Variants in ESRP1 observed in about 807,000 individuals in gnomAD.
The protein encoded by ESRP1 is RNA-binding motif protein 35A.
A neutral mutation model predicts 81.7 loss-of-function variants in ESRP1; 33 were observed. That is an observed-to-expected ratio of 0.40 (90% confidence interval 0.31 to 0.54). The LOEUF (loss-of-function observed/expected upper bound fraction) is 0.54. ESRP1 is among the 20% of genes least tolerant of loss of function. The pLI is 0.41. For missense variants in ESRP1, 672 were observed against 833.1 expected (o/e 0.81, Z 2.38); for synonymous variants, 320 against 303.3 (o/e 1.06, Z -0.57).
At chr8:94,683,154 G>C (rs1470708255) in intron 13 of ESRP1, among the ~76,000 whole-genome samples, 1 of 151,186 alleles carries the variant, frequency 6.6e-6, no homozygotes, top group African/African-American at 2.4e-5. Flanking sequence ...ATGTTGGTCA[G>C]GCTAGTCTCC....
intron 10 of ESRP1, among the ~76,000 whole-genome samples, chr8:94,669,719 AAT>A (rs1249870081): frequency 6.6e-6 from 1 of 151,902 alleles, no homozygotes; most frequent in African/African-American, 2.4e-5. Flanking sequence ...TACAAAAAAA[AAT>A]TAGGCAGTCA....
chr8:94,678,619 C>T (rs1433803853), intron 13 of ESRP1, among the ~76,000 whole-genome samples: 1 of 152,306 alleles, frequency 6.6e-6, no homozygotes, highest in East Asian at 1.9e-4. Context: ...TTTTACCTCT[C>T]CTGTCATAGG....
chr8:94,666,901 G>A (rs764055602), intron 9 of ESRP1, among the ~76,000 whole-genome samples: 3 of 152,152 alleles, frequency 2.0e-5, no homozygotes, highest in African/African-American at 4.8e-5. Context: ...TGGGCACTGC[G>A]ATAAGAATTT....
At chr8:94,651,187 T>C (rs1367323228) in intron 4 of ESRP1, among the ~76,000 whole-genome samples, 1 of 151,112 alleles carries the variant, frequency 6.6e-6, no homozygotes, top group Non-Finnish European at 1.5e-5. Flanking sequence ...ACTTGAATAA[T>C]ATGCAGTATT....
chr8:94,696,910 AATGGGTTT>A lies in ESRP1; in HGVS notation c.2031_2038del (p.Trp678TyrfsTer21), dbSNP rs1317504572. On this transcript the variant is annotated frameshift_variant, in exon 15 of 16. Transcript: ENST00000433389. LOFTEE classifies it high-confidence loss of function. The stretch of plus-strand genomic sequence containing the variant: ...GACCAGGCCAGGACTCTACCCAAAG[AATGGGTTT>A]GTATTTAAGGGCCCCAGCAGTTAGA... 2.5e-6 allele frequency: 4 copies of A among 1,591,820 alleles called. No individual in the cohort carries two copies. In the South Asian group the frequency reaches 4.6e-5, roughly 18 times the overall value.
intron 4 of ESRP1, among the ~76,000 whole-genome samples, chr8:94,654,711 C>T (rs1818311494): frequency 6.6e-6 from 1 of 151,878 alleles, no homozygotes; most frequent in African/African-American, 2.4e-5. Flanking sequence ...CACTGGAGCC[C>T]AGAAGTTCAG....
chr8:94,697,417 T>A (rs1279472915), intron 15 of ESRP1, among the ~76,000 whole-genome samples: 1 of 152,234 alleles, frequency 6.6e-6, no homozygotes, highest in Admixed American at 6.5e-5. Context: ...TGGCAACTAA[T>A]CTGCTTTCTG....
intron 10 of ESRP1, among the ~76,000 whole-genome samples, chr8:94,669,711 CA>C (rs1432477337): frequency 2.0e-5 from 3 of 150,726 alleles, no homozygotes; most frequent in South Asian, 2.1e-4. Flanking sequence ...GCTGAAAATA[CA>C]AAAAAAAATT....
intron 13 of ESRP1, among the ~76,000 whole-genome samples, chr8:94,690,421 C>G (rs1420884708): frequency 6.6e-6 from 1 of 151,702 alleles, no homozygotes; most frequent in Non-Finnish European, 1.5e-5. Context: ...GTATGAGCCA[C>G]TGCACCCGGC....
intron 10 of ESRP1, among the ~76,000 whole-genome samples, chr8:94,670,277 G>A (rs1391506378): frequency 6.6e-6 from 1 of 152,204 alleles, no homozygotes; most frequent in South Asian, 2.1e-4. Flanking sequence ...TTAATTGTCA[G>A]GTATTATGAG....
intron 15 of ESRP1, among the ~76,000 whole-genome samples, chr8:94,705,026 A>T (rs1810007654): frequency 6.6e-6 from 1 of 152,118 alleles, no homozygotes; most frequent in Admixed American, 6.6e-5. Flanking sequence ...AAATGGGGAT[A>T]ACAAGGTAAT....
At chr8:94,645,218 T>C (rs568704871) in intron 3 of ESRP1, among the ~76,000 whole-genome samples, 1 of 152,252 alleles carries the variant, frequency 6.6e-6, no homozygotes, top group South Asian at 2.1e-4. Context: ...AGGTCACATC[T>C]AGTAAAATCC....
rs200800517 is a variant in ESRP1, at chr8:94,683,963, G to A, written c.1820+5592G>A. Among the ~76,000 whole-genome samples, 9 of 152,120 alleles carry A rather than the reference G, an allele frequency of 5.9e-5. No individual in the cohort carries two copies. The East Asian group carries it at 1.2e-3, about 20-fold the overall frequency. ...CCCAGGTTCAAGCGATTCTCCTGCC[G>A]CAGCCTCCCGAGTAGCTGGGATTAC... is the stretch of plus-strand genomic sequence containing the variant. On this transcript the variant is annotated intron_variant, in intron 13 of 15. Coordinates refer to ENST00000433389, the MANE Select transcript of ESRP1 (RefSeq NM_017697.4).
rs761482853 is a variant in ESRP1 at position 94,641,318 on chromosome 8, C to T, written c.-1C>T. 1.3e-6 allele frequency: 2 copies of T among 1,592,594 alleles called. No individual in the cohort carries two copies. Among genetic ancestry groups the T allele is most frequent in the South Asian group, 2.2e-5 (2 of 90,494 alleles). Reference sequence around the variant, plus strand: ...CCCTCTCCCCCTCCCCACCTATCGTCATGACGGCCTCTCCGGATTACTTGG... The same window carrying T: ...CCCTCTCCCCCTCCCCACCTATCGTTATGACGGCCTCTCCGGATTACTTGG... On this transcript the variant is annotated 5_prime_UTR_variant, in exon 1 of 16. Coordinates refer to ENST00000433389, the MANE Select transcript of ESRP1 (RefSeq NM_017697.4).
At chr8:94,654,769 C>G (rs2130572777) in intron 4 of ESRP1, among the ~76,000 whole-genome samples, 1 of 151,916 alleles carries the variant, frequency 6.6e-6, no homozygotes, top group South Asian at 2.1e-4. Context: ...AAAAATAAAT[C>G]TAAAAATTAG....
At chr8:94,685,703 G>C (rs1416645964) in intron 13 of ESRP1, among the ~76,000 whole-genome samples, 1 of 151,890 alleles carries the variant, frequency 6.6e-6, no homozygotes. Flanking sequence ...GGGAGGCTGA[G>C]ACATGAGAAT....
chr8:94,661,175 A>G (rs548355989), intron 4 of ESRP1, among the ~76,000 whole-genome samples: 13 of 152,054 alleles, frequency 8.5e-5, no homozygotes, highest in Non-Finnish European at 1.6e-4. Context: ...TGAGTAGCTG[A>G]GATTACAGGC....
chr8:94,649,149 A>G (rs1426559162), intron 4 of ESRP1, among the ~76,000 whole-genome samples: 1 of 152,230 alleles, frequency 6.6e-6, no homozygotes, highest in African/African-American at 2.4e-5. Context: ...TGAACCCAAG[A>G]GGCAGTGAGC....
At chr8:94,662,779 T>C (rs185471811) in intron 6 of ESRP1, among the ~76,000 whole-genome samples, 1 of 152,244 alleles carries the variant, frequency 6.6e-6, no homozygotes, top group East Asian at 1.9e-4. Flanking sequence ...GGCTAATTTT[T>C]TTGTAGTTTT....
Sources: gnomAD v4.1 joint callset for allele counts (sites outside exome capture counted in the v4.1 genomes callset) on GRCh38, gnomAD v4.1.1 for gene constraint, MANE v1.5 for transcripts, NCBI Gene and HGNC (gene_info 2026-07-23, HGNC 2026-07-21) for gene names.